The following PRSS55 variants were observed in gnomAD, a reference collection of about 807,000 sequenced individuals.
PRSS55 encodes the protein serine protease 55, also known as probable serine protease UNQ9391/PRO34284.
A neutral mutation model predicts 23.6 loss-of-function variants in PRSS55; 41 were observed. That is an observed-to-expected ratio of 1.74 (90% CI 1.35 to 2.26). The LOEUF is 2.26. Among genes scored for constraint, PRSS55 ranks in the 30% most tolerant of loss-of-function variants. The pLI is 0.00. For synonymous variants in PRSS55, 262 were observed against 175.5 expected (o/e 1.49, Z -3.90); for missense variants, 669 against 439.1 (o/e 1.52, Z -4.68).
In PRSS55 at chr8:10,538,398, C is replaced by A. The variant is rs566402935; in HGVS notation, c.742-78C>A. 21 of 1,152,598 alleles carry A rather than the reference C, an allele frequency of 1.8e-5. No individual in the cohort carries two copies. The African/African-American group carries it at 2.8e-4, about 15-fold the overall frequency. 71.4% of individuals were successfully genotyped at this position (1,152,598 alleles called of 1,614,324 possible). The stretch of plus-strand genomic sequence containing the variant: ...AGAGTTGGGGAGGCTGAGGAATCTT[C>A]CATGAATGAGCTGTGCCCAGCCTCA... On this transcript the variant is annotated intron_variant, in intron 4 of 4. Transcript: ENST00000328655.
chr8:10,529,052 A>C (rs1462428896), intron 1 of PRSS55, among the ~76,000 whole-genome samples: 3 of 152,208 alleles, frequency 2.0e-5, no homozygotes. Context: ...AGTGCTTAGC[A>C]ACCCAAATTC....
chr8:10,525,554 T>A lies in PRSS55; in HGVS notation c.-32T>A. ...CTCACTGCCTCAGCCCTGGCCTCTG[T>A]CACCCCCGGGCCCACAGCACAGCCC... On this transcript the variant is annotated 5_prime_UTR_variant, in exon 1 of 5. Coordinates refer to ENST00000328655, the MANE Select transcript of PRSS55 (RefSeq NM_198464.4). 2 of 1,600,754 alleles carry A rather than the reference T, an allele frequency of 1.2e-6. No homozygotes were observed. Among genetic ancestry groups the A allele is most frequent in the Non-Finnish European group, 1.7e-6 (2 of 1,170,708 alleles).
rs765103335 is a variant in PRSS55, at chr8:10,529,435, C to G, written c.155-72C>G. 5.4e-6 allele frequency: 8 copies of G among 1,490,846 alleles called. 1 individual carries two copies. In the East Asian group the frequency reaches 6.8e-5, roughly 13 times the overall value. The allele number at this position is 1,490,846 out of a possible 1,614,324, so 92.4% of individuals were successfully genotyped here. On this transcript the variant is annotated intron_variant, in intron 1 of 4. Transcript: ENST00000328655. ...ACTTGGAAGCCTGCTCCTCCCAGCC[C>G]GGTCCCCAGCTCACACTGGATGCTG...
chr8:10,554,053 A>G (rs1010919687), exon 5 of PRSS55: 2 of 1,493,344 alleles, frequency 1.3e-6, no homozygotes, highest in Admixed American at 2.1e-5. Context: ...TTTCTTCTAC[A>G]TGGAGCCATT....
chr8:10,536,616 C>G (rs12547380), intron 4 of PRSS55, among the ~76,000 whole-genome samples: 50,865 of 151,990 alleles, frequency 0.33, 8,858 homozygotes, highest in African/African-American at 0.44. Flanking sequence ...GATCAAACTA[C>G]ATGTCCTTCG....
chr8:10,540,112 T>G (rs62492805), downstream of PRSS55: 15,133 of 152,424 alleles, frequency 0.099, 1,022 homozygotes, highest in East Asian at 0.22. Flanking sequence ...GCTTGCTGTG[T>G]TCCACCAGCG....
intron 4 of PRSS55, among the ~76,000 whole-genome samples, chr8:10,552,575 T>C (rs1812973995): frequency 6.6e-6 from 1 of 152,170 alleles, no homozygotes; most frequent in Admixed American, 6.5e-5. Flanking sequence ...AACAACTCAG[T>C]AGTAAGAAAA....
intron 4 of PRSS55, among the ~76,000 whole-genome samples, chr8:10,548,393 C>A (rs1003442630): frequency 2.0e-5 from 3 of 152,126 alleles, no homozygotes; most frequent in African/African-American, 7.2e-5. Flanking sequence ...TGGCTGGAGC[C>A]TTCCAGGAGA....
At chr8:10,537,520 A>G (rs1051068045) in intron 4 of PRSS55, among the ~76,000 whole-genome samples, 1 of 152,212 alleles carries the variant, frequency 6.6e-6, no homozygotes, top group African/African-American at 2.4e-5. Context: ...TAGAATGAAT[A>G]AAGTCTGGTA....
At chr8:10,545,670 T>C (rs566165394) in intron 4 of PRSS55, among the ~76,000 whole-genome samples, 2 of 152,284 alleles carry the variant, frequency 1.3e-5, no homozygotes, top group South Asian at 2.1e-4. Flanking sequence ...AGAATATGCA[T>C]TGGATTGGAA....
chr8:10,547,409 T>G (rs1812844737), intron 4 of PRSS55: 1 of 152,370 alleles, frequency 6.6e-6, no homozygotes. Context: ...GCTTCTAGAC[T>G]TATCCCCACC....
downstream of PRSS55, among the ~76,000 whole-genome samples, chr8:10,539,169 C>T (rs1327066525): frequency 6.6e-6 from 1 of 152,144 alleles, no homozygotes; most frequent in Non-Finnish European, 1.5e-5. Context: ...CCATTACCCT[C>T]AAGAGGGCTT....
At chr8:10,546,995 T>G (rs1812833967) in intron 4 of PRSS55, among the ~76,000 whole-genome samples, 3 of 152,148 alleles carry the variant, frequency 2.0e-5, no homozygotes, top group Admixed American at 6.5e-5. Flanking sequence ...CCCTCAGCTT[T>G]GACCAAGAGT....
At chr8:10,552,424 G>A (rs143754835) in intron 4 of PRSS55, among the ~76,000 whole-genome samples, 80 of 152,272 alleles carry the variant, frequency 5.3e-4, no homozygotes, top group African/African-American at 1.5e-3. Context: ...TCAGACAAAT[G>A]GGGTTGCACT....
intron 4 of PRSS55, among the ~76,000 whole-genome samples, chr8:10,536,078 C>T (rs1383720688): frequency 6.6e-6 from 1 of 151,968 alleles, no homozygotes; most frequent in African/African-American, 2.4e-5. Context: ...CCCAGCTACT[C>T]GGGGGGCTGA....
intron 4 of PRSS55, among the ~76,000 whole-genome samples, chr8:10,535,561 A>G (rs966034157): frequency 1.3e-5 from 2 of 152,246 alleles, no homozygotes; most frequent in African/African-American, 4.8e-5. Context: ...ATCAACTGAA[A>G]TCAATGCGAG....
chr8:10,543,211 C>T (rs1268595856), downstream of PRSS55, among the ~76,000 whole-genome samples: 1 of 152,046 alleles, frequency 6.6e-6, no homozygotes, highest in Non-Finnish European at 1.5e-5. Flanking sequence ...GGGACATGCA[C>T]AGGCTCTTTG....
downstream of PRSS55, among the ~76,000 whole-genome samples, chr8:10,543,434 TCCTTCCTTCCATCCTTCCTTCCTTCC>T (rs1563547254): frequency 4.4e-3 from 65 of 14,840 alleles, 4 homozygotes; most frequent in South Asian, 0.017. Context: ...CTTCCTTCCT[TCCTTCCTTCCATCCTTCCTTCCTTCC>T]TTCCTTTCTT....
chr8:10,533,870 C>T (rs533625783), intron 4 of PRSS55, among the ~76,000 whole-genome samples: 83 of 152,270 alleles, frequency 5.5e-4, no homozygotes, highest in Non-Finnish European at 9.6e-4. Flanking sequence ...ATTTATCTAT[C>T]TGTTATGGTT....
Sources: allele counts gnomAD v4.1 joint callset (sites outside exome capture counted in the v4.1 genomes callset), GRCh38; gene constraint gnomAD v4.1.1; transcripts MANE v1.5; gene names NCBI Gene and HGNC (gene_info 2026-07-23, HGNC 2026-07-21).